HLCS: variants seen among roughly 807,000 people sequenced by gnomAD.
HLCS encodes holocarboxylase synthetase.
HLCS carries 53 observed loss-of-function variants against 75.0 expected under a neutral mutation model. The ratio of observed to expected loss-of-function variants is 0.71; its 90% CI spans 0.57 to 0.89. HLCS has a LOEUF of 0.89. Among genes scored for constraint, HLCS ranks in the 40% least tolerant of loss-of-function variants. The pLI is 0.00. For missense variants in HLCS, 966 were observed against 1,074.0 expected (o/e 0.90, Z 1.41); for synonymous variants, 431 against 428.6 (o/e 1.01, Z -0.07).
At chr21:36,933,995 T>G (rs1420289792) in intron 4 of HLCS, among the ~76,000 whole-genome samples, 1 of 151,546 alleles carries the variant, frequency 6.6e-6, no homozygotes, top group Non-Finnish European at 1.5e-5. Context: ...GTCTTAGGGT[T>G]TCAAGATGTA....
At chr21:36,915,661 T>C (rs2065899531) in intron 5 of HLCS, among the ~76,000 whole-genome samples, 1 of 152,238 alleles carries the variant, frequency 6.6e-6, no homozygotes, top group African/African-American at 2.4e-5. Flanking sequence ...TACTGAAAAG[T>C]GTTTTTAATA....
intron 2 of HLCS, among the ~76,000 whole-genome samples, chr21:36,950,270 G>GTCCATTTGCCA (rs56150939): frequency 0.59 from 89,373 of 151,576 alleles, 26,657 homozygotes; most frequent in Admixed American, 0.64. Context: ...TATATATTAT[G>GTCCATTTGCCA]TCCAATTTGA....
Position 36,842,110 on chromosome 21 carries a change from G to T in HLCS, c.1892+54750C>A, listed in dbSNP as rs1310104393. Among the ~76,000 whole-genome samples, 1 of 152,190 alleles carries T rather than the reference G, an allele frequency of 6.6e-6. No homozygotes were observed. Among genetic ancestry groups the T allele is most frequent in the African/African-American group, 2.4e-5 (1 of 41,448 alleles). On this transcript the variant is annotated intron_variant, in intron 6 of 10. Transcript: ENST00000674895. The surrounding 1 kb of genome is among the most constrained non-coding windows in gnomAD (Gnocchi z 4.2). Reference sequence around the variant, plus strand: ...GTTAATAGTAGAAGATAAACAAATTGTGGGATACTCACCCAAAGAAGTATT... The same window carrying T: ...GTTAATAGTAGAAGATAAACAAATTTTGGGATACTCACCCAAAGAAGTATT...
At chr21:36,788,152 G>T (rs1048230469) in intron 6 of HLCS, among the ~76,000 whole-genome samples, 4 of 152,176 alleles carry the variant, frequency 2.6e-5, no homozygotes, top group African/African-American at 9.7e-5. Context: ...AAGCTGTTCT[G>T]TGCACAGGTC....
intron 4 of HLCS, among the ~76,000 whole-genome samples, chr21:36,931,760 A>AAG (rs1054219872): frequency 6.6e-6 from 1 of 151,936 alleles, no homozygotes; most frequent in Non-Finnish European, 1.5e-5. Context: ...AGAAAAAAAA[A>AAG]AGAGAGAGAG....
In HLCS at chr21:36,753,991, A is replaced by G; in HGVS notation, c.*255T>C. 3.6e-6 allele frequency: 2 copies of G among 558,076 alleles called. No homozygotes were observed. Among genetic ancestry groups the G allele is most frequent in the East Asian group, 6.1e-5 (2 of 32,834 alleles). 34.6% of individuals were successfully genotyped at this position (558,076 alleles called of 1,614,324 possible). A position where few individuals can be genotyped will look rare whatever the true frequency, so the allele number is the denominator to read the frequency against. On this transcript the variant is annotated 3_prime_UTR_variant, in exon 11 of 11. Transcript: ENST00000674895. The surrounding 1 kb of genome is among the most constrained non-coding windows in gnomAD (Gnocchi z 4.3). ...CAATAAACGTAAGTCCAAGCCACAG[A>G]GGGGAGAGCAATTTCCCACCTGTGG...
intron 5 of HLCS, among the ~76,000 whole-genome samples, chr21:36,903,864 G>C (rs2065340264): frequency 6.6e-6 from 1 of 152,178 alleles, no homozygotes; most frequent in Non-Finnish European, 1.5e-5. Flanking sequence ...TGGAGGTGGG[G>C]CCTTTGGGAA....
chr21:36,825,936 G>A (rs1350514261), intron 6 of HLCS, among the ~76,000 whole-genome samples: 1 of 152,136 alleles, frequency 6.6e-6, no homozygotes, highest in South Asian at 2.1e-4. Context: ...AGTAAAGGGC[G>A]GGACACTCTC....
chr21:36,920,336 A>G (rs1178802866), intron 5 of HLCS, among the ~76,000 whole-genome samples: 1 of 150,962 alleles, frequency 6.6e-6, no homozygotes, highest in African/African-American at 2.4e-5. Context: ...CTGTCTCAAG[A>G]AAAAAGAAAA....
chr21:36,974,303 C>G (rs1269761759), intron 1 of HLCS: 2 of 152,412 alleles, frequency 1.3e-5, no homozygotes, highest in African/African-American at 2.4e-5. Flanking sequence ...AGAGGCCCCA[C>G]GGCAGAAGAG....
chr21:36,841,037 T>C (rs1026958696), intron 6 of HLCS, among the ~76,000 whole-genome samples: 7 of 152,190 alleles, frequency 4.6e-5, no homozygotes, highest in African/African-American at 9.7e-5. Context: ...GGGTATTTTA[T>C]AGTATATAAA....
At chr21:36,864,910 C>A (rs970092782) in intron 6 of HLCS, among the ~76,000 whole-genome samples, 7 of 152,188 alleles carry the variant, frequency 4.6e-5, no homozygotes, top group African/African-American at 1.7e-4. Context: ...CTGCTCAATT[C>A]TTTAAACTGC....
chr21:36,773,027 G>A (rs1355743662), intron 6 of HLCS, among the ~76,000 whole-genome samples: 1 of 150,510 alleles, frequency 6.6e-6, no homozygotes, highest in Non-Finnish European at 1.5e-5. Context: ...ATTATATGAT[G>A]ATTTAAATGT....
At chr21:36,960,143 C>CCCCG (rs2068213410) in intron 2 of HLCS, among the ~76,000 whole-genome samples, 2 of 121,148 alleles carry the variant, frequency 1.7e-5, no homozygotes, top group African/African-American at 6.2e-5. Context: ...CCCCCCCCCC[C>CCCCG]CCGACCCTGC....
In HLCS at chr21:36,756,643, G is replaced by A. The variant is rs138952612; in HGVS notation, c.2349C>T (p.Leu783=). ...AELKPLRADY[L]IARVVTVLEK... ...CCAGCACAGTCACGACTCTGGCGAT[G>A]AGATAATCGGCTCTTAAGGGCTTCA... is the stretch of plus-strand genomic sequence containing the variant. Residue 783 remains leucine (L), a synonymous_variant, in exon 10 of 11, where the codon CTC becomes CTT. Coordinates refer to ENST00000674895, the MANE Select transcript of HLCS (RefSeq NM_001352514.2). 5 of 1,613,990 alleles carry A rather than the reference G, an allele frequency of 3.1e-6. No individual in the cohort carries two copies. The African/African-American group carries it at 6.7e-5, about 22-fold the overall frequency.
At chr21:36,820,295 A>G (rs2061791273) in intron 6 of HLCS, among the ~76,000 whole-genome samples, 1 of 152,222 alleles carries the variant, frequency 6.6e-6, no homozygotes, top group South Asian at 2.1e-4. Context: ...GGAACAGGTG[A>G]GAGCCACGCC....
chr21:36,795,624 TC>T (rs1473922139), intron 6 of HLCS, among the ~76,000 whole-genome samples: 1 of 152,198 alleles, frequency 6.6e-6, no homozygotes. Flanking sequence ...AAATTAGTAT[TC>T]CCTGAGAGAC....
At chr21:36,780,440 G>A (rs952680977) in intron 6 of HLCS, among the ~76,000 whole-genome samples, 3 of 151,750 alleles carry the variant, frequency 2.0e-5, no homozygotes, top group Non-Finnish European at 4.4e-5. Context: ...GGATGGTCTC[G>A]ATCTCCTGAC....
chr21:36,975,938 G>T (rs752534738), intron 1 of HLCS, among the ~76,000 whole-genome samples: 5 of 152,130 alleles, frequency 3.3e-5, no homozygotes, highest in Non-Finnish European at 7.3e-5. Context: ...GACCATTATT[G>T]TCCCCATCTT....
Sources: allele counts gnomAD v4.1 joint callset (sites outside exome capture counted in the v4.1 genomes callset), GRCh38; gene constraint gnomAD v4.1.1; non-coding constraint Gnocchi (gnomAD v3.1); transcripts MANE v1.5; gene names NCBI Gene and HGNC (gene_info 2026-07-23, HGNC 2026-07-21).